Variants in WDFY4 observed in about 807,000 individuals in gnomAD.
The protein encoded by WDFY4 is WD repeat- and FYVE domain-containing protein 4.
Under a neutral mutation model 351.9 loss-of-function variants are expected in WDFY4, and 169 were observed. The ratio of observed to expected loss-of-function variants is 0.48; its 90% CI spans 0.42 to 0.55. WDFY4 has a LOEUF of 0.55. Ranked by LOEUF, WDFY4 falls within the 20% of genes least tolerant of loss-of-function variation. The pLI is 0.00. For missense variants in WDFY4, 3,803 were observed against 3,935.6 expected (o/e 0.97, Z 0.90); for synonymous variants, 1,622 against 1,574.6 (o/e 1.03, Z -0.71).
chr10:48,968,307 G>C (rs901135586), intron 55 of WDFY4: 2 of 152,304 alleles, frequency 1.3e-5, no homozygotes, highest in African/African-American at 4.8e-5. Context: ...TTGCTTTAAG[G>C]GGCCTGGCTT....
intron 31 of WDFY4, among the ~76,000 whole-genome samples, chr10:48,816,562 G>A (rs1041858013): frequency 2.0e-5 from 3 of 152,132 alleles, no homozygotes; most frequent in Admixed American, 6.5e-5. Context: ...TAGGCCTAAT[G>A]AGCAATTAAT....
chr10:48,798,822 A>G (rs1253103554), intron 24 of WDFY4, among the ~76,000 whole-genome samples: 1 of 152,246 alleles, frequency 6.6e-6, no homozygotes, highest in Non-Finnish European at 1.5e-5. Context: ...AAATATAGGC[A>G]TAAGAGCCCT....
At chr10:48,945,451 C>T (rs1356304845) in intron 49 of WDFY4, among the ~76,000 whole-genome samples, 2 of 152,170 alleles carry the variant, frequency 1.3e-5, no homozygotes, top group Non-Finnish European at 2.9e-5. Flanking sequence ...ATTCTTGGCT[C>T]CTCTGCTAAC....
At position 48,795,491 on chromosome 10, in the gene WDFY4, G is replaced by GTGTATATA. The variant is rs1416892459; in HGVS notation, c.4258-806_4258-805insGTATATAT. 5.6e-4 allele frequency among the ~76,000 whole-genome samples: 57 copies of GTGTATATA among 101,206 alleles called. 1 individual carries two copies. Among genetic ancestry groups the GTGTATATA allele is most frequent in the African/African-American group, 2.3e-3 (51 of 22,018 alleles). The allele number at this position is 101,206 out of a possible 152,430, so 66.4% of individuals were successfully genotyped here. On this transcript the variant is annotated intron_variant, in intron 23 of 61. Coordinates refer to ENST00000325239, the MANE Select transcript of WDFY4 (RefSeq NM_001394531.1). ...TGGGATTTCATATATGTGTGTGTCT[G>GTGTATATA]TATATATATATATATATATATATAT... is the stretch of plus-strand genomic sequence containing the variant.
intron 8 of WDFY4, among the ~76,000 whole-genome samples, chr10:48,730,391 A>G (rs976472209): frequency 5.9e-5 from 9 of 152,170 alleles, no homozygotes; most frequent in African/African-American, 2.2e-4. Flanking sequence ...GGTTTAGGGG[A>G]GTGCCTGAAT....
chr10:48,787,397 G>A (rs1305167307), intron 20 of WDFY4, among the ~76,000 whole-genome samples: 1 of 152,340 alleles, frequency 6.6e-6, no homozygotes, highest in East Asian at 1.9e-4. Flanking sequence ...TCTGTCTCCA[G>A]GCCCATGATG....
chr10:48,825,803 C>T (rs10857653), intron 35 of WDFY4, among the ~76,000 whole-genome samples: 50,799 of 151,340 alleles, frequency 0.34, 10,073 homozygotes, highest in African/African-American at 0.56. Flanking sequence ...TTAATGGGGT[C>T]GTTTGGTTTT....
At chr10:48,959,340 G>T (rs1841751381) in intron 52 of WDFY4, among the ~76,000 whole-genome samples, 1 of 152,198 alleles carries the variant, frequency 6.6e-6, no homozygotes, top group Non-Finnish European at 1.5e-5. Flanking sequence ...GAGGTGCTTA[G>T]AATTTGCCAG....
At chr10:48,693,619 C>T (rs184310991) in intron 1 of WDFY4, among the ~76,000 whole-genome samples, 11 of 152,308 alleles carry the variant, frequency 7.2e-5, no homozygotes, top group Non-Finnish European at 1.3e-4. Flanking sequence ...TTTGAACAGC[C>T]GAACTTCACT....
Position 48,943,419 on chromosome 10 carries a change from C to T in WDFY4, c.7719C>T (p.Phe2573=). The change falls in exon 49 of 62, where the codon TTC becomes TTT. Residue 2573 remains phenylalanine (F), a synonymous_variant. Transcript: ENST00000325239. The stretch of plus-strand genomic sequence containing the variant: ...ATGACTACATGCAGTACCCAGTGTT[C>T]CCCTGGGTCCTCGCAGACTACACCT... The part of the protein sequence containing the change: ...TCNDYMQYPV[F]PWVLADYTSE... 1 of 1,551,660 alleles carries T rather than the reference C, an allele frequency of 6.4e-7. No individual in the cohort carries two copies. The highest frequency in any genetic ancestry group is 8.7e-7 in the Non-Finnish European group (1 of 1,146,844).
At chr10:48,881,918 TG>T (rs1284268770) in intron 43 of WDFY4, among the ~76,000 whole-genome samples, 5 of 152,212 alleles carry the variant, frequency 3.3e-5, no homozygotes, top group African/African-American at 1.2e-4. Flanking sequence ...ATCCATCCCC[TG>T]GGCCTACCCC....
At chr10:48,935,616 T>TTTG (rs1298686358) in intron 47 of WDFY4, among the ~76,000 whole-genome samples, 1 of 152,246 alleles carries the variant, frequency 6.6e-6, no homozygotes, top group Non-Finnish European at 1.5e-5. Flanking sequence ...TTGAGAGGGC[T>TTTG]GTCTTTCATC....
intron 9 of WDFY4, among the ~76,000 whole-genome samples, chr10:48,733,587 A>T (rs1174649854): frequency 6.6e-6 from 1 of 152,234 alleles, no homozygotes; most frequent in African/African-American, 2.4e-5. Context: ...CTCAAAGAGC[A>T]GTCCCTGGAC....
chr10:48,954,242 C>G (rs933133042), intron 51 of WDFY4, among the ~76,000 whole-genome samples: 1 of 152,188 alleles, frequency 6.6e-6, no homozygotes, highest in Admixed American at 6.5e-5. Flanking sequence ...CAACTGTAAC[C>G]TTTTGCCTCA....
In WDFY4 at chr10:48,743,115, C is replaced by A; in HGVS notation, c.2026C>A (p.Gln676Lys). Residue 676 changes from glutamine (Q) to lysine (K), a missense_variant, in exon 12 of 62, where the codon CAG becomes AAG. Around this residue, in one of 3 missense-constraint regions of WDFY4, gnomAD observed 3,054 missense variants for 3,148.6 expected, o/e 0.97. Transcript: ENST00000325239. ...LQAWGAVSPR[Q>K]TLELVLYTLC... ...GGCATGGGGAGCAGTATCCCCCAGA[C>A]AGACCCTGGAGCTGGTTTTGTACAC... is the stretch of plus-strand genomic sequence containing the variant. 1 of 1,551,754 alleles carries A rather than the reference C, an allele frequency of 6.4e-7. No individual in the cohort carries two copies.
At position 48,820,373 on chromosome 10, in the gene WDFY4, T is replaced by A; in HGVS notation, c.5645T>A (p.Leu1882Ter). 1 of 1,551,472 alleles carries A rather than the reference T, an allele frequency of 6.4e-7. No homozygotes were observed. The highest frequency in any genetic ancestry group is 8.7e-7 in the Non-Finnish European group (1 of 1,146,946). The change falls in exon 33 of 62, where the codon TTG becomes TAG. Residue 1882 changes from leucine to a stop codon, truncating the protein, a stop_gained. Transcript: ENST00000325239. LOFTEE classifies it high-confidence loss of function. ...CTGAGGGAGTTCACGCAGCTCCTCT[T>A]GAGGGAGCTCCTGCTTGGAGCCTCC... ...RKLREFTQLL[L>*]RELLLGASSP...
chr10:48,871,010 T>C (rs2069754163), intron 40 of WDFY4, among the ~76,000 whole-genome samples: 1 of 152,098 alleles, frequency 6.6e-6, no homozygotes, highest in Non-Finnish European at 1.5e-5. Flanking sequence ...CTCGGCTCAC[T>C]GCAAGTTCCG....
chr10:48,901,944 G>T, intron 47 of WDFY4, 81 bp downstream of exon 47: 2 of 1,340,636 alleles, frequency 1.5e-6, no homozygotes, highest in Admixed American at 3.9e-5. Flanking sequence ...CCACTCTAAA[G>T]AAGTCTTGCA....
At chr10:48,883,235 A>G (rs1425111898) in intron 43 of WDFY4, among the ~76,000 whole-genome samples, 1 of 152,190 alleles carries the variant, frequency 6.6e-6, no homozygotes, top group East Asian at 1.9e-4. Flanking sequence ...GCCCTCCTGC[A>G]TGTGCCTGGA....
Sources: allele counts gnomAD v4.1 joint callset (sites outside exome capture counted in the v4.1 genomes callset), GRCh38; gene constraint gnomAD v4.1.1; regional missense constraint gnomAD v4.1.1; transcripts MANE v1.5; gene names NCBI Gene and HGNC (gene_info 2026-07-23, HGNC 2026-07-21).